Variants in ZCCHC8 observed in about 807,000 individuals in gnomAD.
ZCCHC8 encodes the protein zinc finger CCHC-type containing 8.
Under a neutral mutation model 70.6 loss-of-function variants are expected in ZCCHC8, and 27 were observed. The observed-to-expected ratio is 0.38, with a 90% CI of 0.28 to 0.53. ZCCHC8 has a LOEUF of 0.53. Ranked by LOEUF, ZCCHC8 falls within the 20% of genes least tolerant of loss-of-function variation. The pLI is 0.81. For synonymous variants in ZCCHC8, 293 were observed against 317.4 expected (o/e 0.92, Z 0.82); for missense variants, 737 against 876.9 (o/e 0.84, Z 2.01).
chr12:122,495,039 T>C (rs1957805561), intron 2 of ZCCHC8, among the ~76,000 whole-genome samples: 1 of 152,152 alleles, frequency 6.6e-6, no homozygotes, highest in African/African-American at 2.4e-5. Context: ...CATGAAAAAG[T>C]CTCTATTTTT....
At chr12:122,478,324 A>T in intron 11 of ZCCHC8, 32 bp from the exon 12 acceptor site, 1 of 1,406,304 alleles carries the variant, frequency 7.1e-7, no homozygotes, top group Non-Finnish European at 9.8e-7. Context: ...AAAAAAAAAC[A>T]CATGTATTTG....
intron 10 of ZCCHC8, 32 bp from the exon 11 acceptor site, chr12:122,480,343 C>A: frequency 6.4e-7 from 1 of 1,571,450 alleles, no homozygotes; most frequent in Non-Finnish European, 8.6e-7. Context: ...GTTAATATTG[C>A]TAAATGTCAA....
chr12:122,481,507 C>G lies in ZCCHC8; in HGVS notation c.1018+15G>C. ...GAAACACTTAAGGTGACTTCTCTAA[C>G]TTAAGATACTATACCTTTTCCATCA... On this transcript the variant is annotated intron_variant, in intron 10 of 13. Transcript: ENST00000633063. 1 of 1,590,184 alleles carries G rather than the reference C, an allele frequency of 6.3e-7. No individual in the cohort carries two copies. Among genetic ancestry groups the G allele is most frequent in the Non-Finnish European group, 8.5e-7 (1 of 1,171,270 alleles).
At chr12:122,493,849 G>A (rs559604647) in intron 2 of ZCCHC8, among the ~76,000 whole-genome samples, 43 of 152,176 alleles carry the variant, frequency 2.8e-4, no homozygotes, top group Admixed American at 1.1e-3. Flanking sequence ...TCCTGACCTC[G>A]TGATCTGCCC....
At chr12:122,499,927 TTATC>T (rs1471733850) in intron 1 of ZCCHC8, 9 of 152,024 alleles carry the variant, frequency 5.9e-5, no homozygotes, top group African/African-American at 1.2e-4. Context: ...CGAACCAAAG[TTATC>T]TATCTACCTA....
chr12:122,494,503 T>G (rs1425635073), intron 2 of ZCCHC8, among the ~76,000 whole-genome samples: 1 of 148,648 alleles, frequency 6.7e-6, no homozygotes, highest in East Asian at 2.0e-4. Context: ...GAGGTTGCAG[T>G]GAGCCAAGAT....
intron 8 of ZCCHC8, 104 bp downstream of exon 8, chr12:122,482,531 A>C (rs2137337583): frequency 1.3e-6 from 1 of 776,080 alleles, no homozygotes; most frequent in South Asian, 3.0e-5. Flanking sequence ...ATTTCAAATT[A>C]AAGGAACAAA....
intron 3 of ZCCHC8, among the ~76,000 whole-genome samples, chr12:122,491,486 G>A (rs1239777717): frequency 1.4e-5 from 2 of 146,694 alleles, no homozygotes; most frequent in Non-Finnish European, 3.0e-5. Flanking sequence ...CCAAGATCTT[G>A]CCATTGGACT....
chr12:122,480,077 G>A (rs940831074), intron 11 of ZCCHC8, 113 bp downstream of exon 11: 1 of 968,130 alleles, frequency 1.0e-6, no homozygotes, highest in Non-Finnish European at 1.5e-6. Context: ...CTCCCAAAGT[G>A]TTGGGATTAC....
At position 122,483,248 on chromosome 12, in the gene ZCCHC8, T is replaced by C. The variant is rs760621967; in HGVS notation, c.671+31A>G. ...TTATGATTTTGGTTAAAAAAGTAAA[T>C]AAGTAAAACAAAACAACTCCCCACA... On this transcript the variant is annotated intron_variant, in intron 7 of 13. Transcript: ENST00000633063. This position sits in a 1 kb window ranked among gnomAD's most constrained non-coding sequence, Gnocchi z 4.4. 1.3e-6 allele frequency: 2 copies of C among 1,557,350 alleles called. No individual in the cohort carries two copies. Among genetic ancestry groups the C allele is most frequent in the Non-Finnish European group, 1.7e-6 (2 of 1,149,874 alleles).
intron 11 of ZCCHC8, among the ~76,000 whole-genome samples, chr12:122,479,163 C>A (rs1179079784): frequency 6.6e-6 from 1 of 152,246 alleles, no homozygotes; most frequent in Admixed American, 6.5e-5. Context: ...GCAACCTCCA[C>A]CTCCTTGGTT....
chr12:122,483,588 T>C lies in ZCCHC8; in HGVS notation c.502-25A>G. On this transcript the variant is annotated intron_variant, in intron 5 of 13. Transcript: ENST00000633063. The surrounding 1 kb of genome is among the most constrained non-coding windows in gnomAD (Gnocchi z 4.4). The stretch of plus-strand genomic sequence containing the variant: ...CCTGCAGAAAACAAGTCAAAAAATA[T>C]TGCTATTTAAGCAGAAAAAAAGACA... 8 of 1,512,752 alleles carry C rather than the reference T, an allele frequency of 5.3e-6. No individual in the cohort carries two copies. Among genetic ancestry groups the C allele is most frequent in the East Asian group, 2.4e-5 (1 of 41,584 alleles). 93.7% of individuals were successfully genotyped at this position (1,512,752 alleles called of 1,614,324 possible).
chr12:122,483,299 T>C lies in ZCCHC8; in HGVS notation c.651A>G (p.Glu217=), dbSNP rs1439748435. 3 of 1,599,182 alleles carry C rather than the reference T, an allele frequency of 1.9e-6. No individual in the cohort carries two copies. Among genetic ancestry groups the C allele is most frequent in the Non-Finnish European group, 2.6e-6 (3 of 1,171,858 alleles). ...CAAACCTTTTTGCCTTTACTTGTAT[T>C]TCTTGCCCTTCTAGAGAAACAATGT... ...FSHIVSLEGQ[E]IQVKAKRPKP... The change falls in exon 7 of 14, where the codon GAA becomes GAG. Residue 217 remains glutamate (E), a synonymous_variant. Coordinates refer to ENST00000633063, the MANE Select transcript of ZCCHC8 (RefSeq NM_017612.5). The surrounding 1 kb of genome is among the most constrained non-coding windows in gnomAD (Gnocchi z 4.4).
At chr12:122,485,890 C>A (rs112730267) in intron 5 of ZCCHC8, among the ~76,000 whole-genome samples, 1 of 152,128 alleles carries the variant, frequency 6.6e-6, no homozygotes, top group East Asian at 1.9e-4. Context: ...TGAGTCACTC[C>A]GATGACTCTT....
chr12:122,489,484 T>C lies in ZCCHC8; in HGVS notation c.424-21A>G, dbSNP rs751203072. 1.2e-5 allele frequency: 19 copies of C among 1,608,678 alleles called. No individual in the cohort carries two copies. The African/African-American group carries it at 2.3e-4, about 19-fold the overall frequency. On this transcript the variant is annotated intron_variant, in intron 4 of 13. Transcript: ENST00000633063. ...GATGGCTAATACAAAGAAAAACACA[T>C]ATTACAACCGGTAACCAATTTTTAA...
At chr12:122,494,543 C>A (rs1315052904) in intron 2 of ZCCHC8, among the ~76,000 whole-genome samples, 1 of 136,292 alleles carries the variant, frequency 7.3e-6, no homozygotes, top group African/African-American at 2.8e-5. Flanking sequence ...CTGGGCAACA[C>A]AGCGAGACTC....
chr12:122,481,882 C>T (rs1957542502), intron 9 of ZCCHC8, 63 bp downstream of exon 9: 4 of 1,560,680 alleles, frequency 2.6e-6, no homozygotes, highest in Non-Finnish European at 2.6e-6. Flanking sequence ...CCCAAAGAGA[C>T]ACAGAACATT....
chr12:122,493,130 A>G (rs1957775853), intron 2 of ZCCHC8, among the ~76,000 whole-genome samples: 1 of 152,014 alleles, frequency 6.6e-6, no homozygotes, highest in African/African-American at 2.4e-5. Flanking sequence ...AGCCTCCCCA[A>G]GTGCTGGGAT....
At chr12:122,489,160 C>T (rs1437136145) in intron 5 of ZCCHC8, among the ~76,000 whole-genome samples, 2 of 152,170 alleles carry the variant, frequency 1.3e-5, no homozygotes, top group African/African-American at 4.8e-5. Context: ...TTGGTCAATA[C>T]AAAAACAAAG....
Sources: allele counts gnomAD v4.1 joint callset (sites outside exome capture counted in the v4.1 genomes callset), GRCh38; gene constraint gnomAD v4.1.1; non-coding constraint Gnocchi (gnomAD v3.1); transcripts MANE v1.5; gene names NCBI Gene and HGNC (gene_info 2026-07-23, HGNC 2026-07-21).